TSPAN1: variants seen among roughly 807,000 people sequenced by gnomAD.
TSPAN1 encodes the protein tetraspanin-1.
In TSPAN1, 23 loss-of-function variants were observed where a neutral mutation model predicts 26.9. The ratio of observed to expected loss-of-function variants is 0.85; its 90% CI spans 0.62 to 1.21. The LOEUF (loss-of-function observed/expected upper bound fraction) is 1.21, where lower values mean the gene tolerates loss of function less well. Among genes scored for constraint, TSPAN1 ranks in the 50% most tolerant of loss-of-function variants. The pLI is 0.00. For missense variants in TSPAN1, 283 were observed against 298.4 expected, an observed-to-expected ratio of 0.95 and a Z score of 0.38; for synonymous variants, 115 against 114.8, an observed-to-expected ratio of 1.00 and a Z score of -0.01.
At chr1:46,184,511 C>G (rs1265405133) in intron 4 of TSPAN1, 83 bp from the exon 5 acceptor site, 141 of 1,602,304 alleles carry the variant, frequency 8.8e-5, no homozygotes, top group Non-Finnish European at 1.2e-4. Context: ...GCTTCTGTCT[C>G]ACTTTTCCGG....
Position 46,185,725 on chromosome 1 carries a change from A to C in TSPAN1, c.*192A>C. ...TTAGGCGATGCCTGACTTTCCTTCC[A>C]TTGGTGGGTGGATGGGTGGGGGGCA... On this transcript the variant is annotated 3_prime_UTR_variant, in exon 9 of 9. Transcript: ENST00000372003. 1.5e-6 allele frequency: 1 copy of C among 645,326 alleles called. No individual in the cohort carries two copies. The allele number at this position is 645,326 out of a possible 1,614,324, so 40.0% of individuals were successfully genotyped here. A position where few individuals can be genotyped will look rare whatever the true frequency, so the allele number is the denominator to read the frequency against.
At chr1:46,194,395 T>G in the TSPAN1 span, 1 of 1,614,190 alleles carries the variant, frequency 6.2e-7, no homozygotes, top group Non-Finnish European at 8.5e-7. Context: ...CCAGTGGCAC[T>G]CTGCCTCTGA....
downstream of TSPAN1, among the ~76,000 whole-genome samples, chr1:46,186,211 G>A (rs1657424523): frequency 6.6e-6 from 1 of 152,148 alleles, no homozygotes; most frequent in Non-Finnish European, 1.5e-5. Flanking sequence ...ACTTTGGACT[G>A]AAACTACCCC....
At chr1:46,184,053 C>T in intron 3 of TSPAN1, 138 bp from the exon 4 acceptor site, 1 of 883,270 alleles carries the variant, frequency 1.1e-6, no homozygotes, top group East Asian at 2.6e-5. Context: ...GGATGTTTCC[C>T]TCCTTACAGG....
intron 1 of TSPAN1, among the ~76,000 whole-genome samples, chr1:46,179,005 T>C (rs945576591): frequency 1.3e-5 from 2 of 152,072 alleles, no homozygotes; most frequent in African/African-American, 4.8e-5. Context: ...CTGCCTCCTT[T>C]CACTATAAAA....
chr1:46,194,494 A>G, the TSPAN1 span: 3 of 1,614,138 alleles, frequency 1.9e-6, no homozygotes, highest in Non-Finnish European at 2.5e-6. Flanking sequence ...CTCCACAGAG[A>G]GATCTAAATG....
chr1:46,188,272 T>C (rs1412396637), downstream of TSPAN1, among the ~76,000 whole-genome samples: 4 of 152,336 alleles, frequency 2.6e-5, no homozygotes, highest in East Asian at 7.7e-4. Flanking sequence ...GCCTGCCCAG[T>C]CCTGTCCCAT....
At chr1:46,187,842 C>G (rs1403335645), downstream of TSPAN1, among the ~76,000 whole-genome samples, 1 of 152,182 alleles carries the variant, frequency 6.6e-6, no homozygotes, top group African/African-American at 2.4e-5. Context: ...ATGCTGTCAC[C>G]GAGTTGGGCT....
At chr1:46,179,637 G>A (rs1657263816) in intron 1 of TSPAN1, among the ~76,000 whole-genome samples, 1 of 152,204 alleles carries the variant, frequency 6.6e-6, no homozygotes, top group Non-Finnish European at 1.5e-5. Context: ...GCAGGAAGCG[G>A]TCAGGCAGCC....
the TSPAN1 span, chr1:46,194,356 C>T: frequency 3.1e-6 from 5 of 1,614,088 alleles, no homozygotes; most frequent in African/African-American, 1.3e-5. Flanking sequence ...GCAGAAGCGC[C>T]GGCGGCGACG....
chr1:46,192,509 C>G, the TSPAN1 span: 68 of 1,614,148 alleles, frequency 4.2e-5, 1 homozygote, highest in African/African-American at 7.1e-4. Flanking sequence ...CCTGGTCATT[C>G]CAGCCTACCT....
chr1:46,181,113 G>C lies in TSPAN1; in HGVS notation c.6G>C (p.Gln2His). The change falls in exon 3 of 9, where the codon CAG (glutamine) becomes CAC (histidine). Residue 2 changes from glutamine to histidine, a missense_variant. By Grantham distance (24) the Gln-to-His change is conservative. Transcript: ENST00000372003. ...TCTACCTCCCAGGAGCCACCATGCA[G>C]TGCTTCAGCTTCATTAAGACCATGA... Reference protein sequence around the residue: MQCFSFIKTMMI... With the variant: MHCFSFIKTMMI... The C allele has an allele frequency of 1.9e-6, 3 of 1,613,932 alleles. No individual in the cohort carries two copies. The highest frequency in any genetic ancestry group is 2.5e-6 in the Non-Finnish European group (3 of 1,179,918).
At chr1:46,195,946 G>T in the TSPAN1 span, 2 of 1,614,098 alleles carry the variant, frequency 1.2e-6, no homozygotes, top group Admixed American at 3.3e-5. Context: ...TATACTTCTG[G>T]TGAGTTGGTG....
chr1:46,182,705 G>A (rs1315877551), intron 3 of TSPAN1, among the ~76,000 whole-genome samples: 1 of 152,176 alleles, frequency 6.6e-6, no homozygotes, highest in Non-Finnish European at 1.5e-5. Flanking sequence ...GTTTATGTAT[G>A]TATTGATTAG....
intron 1 of TSPAN1, among the ~76,000 whole-genome samples, chr1:46,178,167 G>A (rs1195486578): frequency 6.6e-6 from 1 of 152,120 alleles, no homozygotes; most frequent in Non-Finnish European, 1.5e-5. Flanking sequence ...GAGCAGCCTG[G>A]TCAACATGGT....
chr1:46,184,179 C>T lies in TSPAN1; in HGVS notation c.58-12C>T, dbSNP rs754025780. On this transcript the variant is annotated splice_polypyrimidine_tract_variant and intron_variant, in intron 3 of 8. Transcript: ENST00000372003. ...GCACTGTTTAAGGCCTGCCTGACCT[C>T]TCTCTCCCCAGCTGTGTGGTGCAGC... is the stretch of plus-strand genomic sequence containing the variant. The T allele has an allele frequency of 1.5e-5, 25 of 1,614,046 alleles. No homozygotes were observed. The Admixed American group carries it at 3.2e-4, about 20-fold the overall frequency.
At chr1:46,183,986 G>A (rs1255110888) in intron 3 of TSPAN1, 1 of 611,580 alleles carries the variant, frequency 1.6e-6, no homozygotes, top group Non-Finnish European at 2.9e-6. Flanking sequence ...TATCTGCCCA[G>A]GTGTGCAGCC....
downstream of TSPAN1, chr1:46,189,185 T>C: frequency 6.5e-7 from 1 of 1,537,206 alleles, no homozygotes; most frequent in Non-Finnish European, 8.7e-7. Flanking sequence ...CCTACCAGCA[T>C]CTACAAAATC....
chr1:46,193,236 G>A, the TSPAN1 span: 1 of 1,614,150 alleles, frequency 6.2e-7, no homozygotes, highest in Non-Finnish European at 8.5e-7. Context: ...GGTGGGAATA[G>A]GGCACATGAG....
Sources: gnomAD v4.1 joint callset for allele counts (sites outside exome capture counted in the v4.1 genomes callset) on GRCh38, gnomAD v4.1.1 for gene constraint, MANE v1.5 for transcripts, NCBI Gene and HGNC (gene_info 2026-07-23, HGNC 2026-07-21) for gene names.